The following CCDC146 variants were observed in gnomAD, a reference collection of about 807,000 sequenced individuals.
The protein encoded by CCDC146 is coiled-coil domain-containing protein 146.
In CCDC146, 92 loss-of-function variants were observed where a neutral mutation model predicts 119.3. The ratio of observed to expected loss-of-function variants is 0.77; its 90% CI spans 0.65 to 0.92. CCDC146 has a LOEUF of 0.92. CCDC146 is among the 40% of genes least tolerant of loss of function. The pLI, the probability that CCDC146 is intolerant of heterozygous loss-of-function variation, is 0.00. For synonymous variants in CCDC146, 372 were observed against 371.8 expected, an observed-to-expected ratio of 1.00 and a Z score of -0.01; for missense variants, 1,000 against 1,103.0, an observed-to-expected ratio of 0.91 and a Z score of 1.32.
At chr7:77,281,872 C>G (rs1793770935) in intron 14 of CCDC146, among the ~76,000 whole-genome samples, 1 of 152,186 alleles carries the variant, frequency 6.6e-6, no homozygotes, top group African/African-American at 2.4e-5. Flanking sequence ...TGCTATTCAG[C>G]TCCTGGCACA....
intron 1 of CCDC146, among the ~76,000 whole-genome samples, chr7:77,143,946 C>T (rs1453735235): frequency 4.6e-5 from 7 of 151,516 alleles, no homozygotes; most frequent in South Asian, 2.1e-4. Flanking sequence ...TTTCCAGTTC[C>T]GTGAAGAAAG....
At chr7:77,233,902 CTATCA>C (rs1792683004) in intron 2 of CCDC146, among the ~76,000 whole-genome samples, 1 of 55,392 alleles carries the variant, frequency 1.8e-5, no homozygotes, top group Non-Finnish European at 4.6e-5. Flanking sequence ...TTTCAGTATT[CTATCA>C]TTTTTTTTTT....
intron 1 of CCDC146, among the ~76,000 whole-genome samples, chr7:77,164,354 CTG>C (rs1791310900): frequency 6.6e-6 from 1 of 151,934 alleles, no homozygotes; most frequent in African/African-American, 2.4e-5. Flanking sequence ...AAGCAATAAA[CTG>C]TGATTACCTA....
At chr7:77,198,081 G>A in intron 2 of CCDC146, 3 of 960,428 alleles carry the variant, frequency 3.1e-6, no homozygotes, top group Non-Finnish European at 3.7e-6. Flanking sequence ...ATGACAAGTT[G>A]CCATGCAGCA....
intron 1 of CCDC146, among the ~76,000 whole-genome samples, chr7:77,133,984 T>C (rs1031055476): frequency 7.9e-5 from 12 of 152,146 alleles, no homozygotes; most frequent in African/African-American, 2.7e-4. Flanking sequence ...TTGGTATCTG[T>C]GGAGCATTCA....
intron 2 of CCDC146, chr7:77,199,160 A>C (rs766098069): frequency 1.3e-6 from 2 of 1,594,056 alleles, no homozygotes; most frequent in African/African-American, 1.3e-5. Context: ...ACATATGATA[A>C]GAAAACATTA....
At chr7:77,262,702 C>T (rs1480354869) in intron 9 of CCDC146, among the ~76,000 whole-genome samples, 1 of 152,190 alleles carries the variant, frequency 6.6e-6, no homozygotes, top group African/African-American at 2.4e-5. Flanking sequence ...GATCAAATTA[C>T]ATAGACATAA....
At chr7:77,270,656 T>C (rs191460117) in intron 9 of CCDC146, among the ~76,000 whole-genome samples, 1 of 152,300 alleles carries the variant, frequency 6.6e-6, no homozygotes, top group East Asian at 1.9e-4. Context: ...CAATGAGTAA[T>C]AGAAACTCAA....
Position 77,293,069 on chromosome 7 carries a change from G to A in CCDC146, c.2533G>A (p.Glu845Lys), listed in dbSNP as rs748467406. 1 of 1,614,002 alleles carries A rather than the reference G, an allele frequency of 6.2e-7. No homozygotes were observed. Among genetic ancestry groups the A allele is most frequent in the Non-Finnish European group, 8.5e-7 (1 of 1,179,962 alleles). ...IELQKEVREK[E>K]DFIFTCNSRI... is the part of the protein sequence containing the mutation. Reference sequence around the variant, plus strand: ...ACTCCAAAAGGAAGTCAGGGAGAAAGAAGACTTCATCTTCACTTGCAATTC... The same window carrying A: ...ACTCCAAAAGGAAGTCAGGGAGAAAAAAGACTTCATCTTCACTTGCAATTC... The change falls in exon 18 of 19, where the codon GAA (glutamate) becomes AAA (lysine). Residue 845 changes from glutamate (E) to lysine (K), a missense_variant. By Grantham distance (56) the Glu-to-Lys change is moderately conservative (BLOSUM62 1). Transcript: ENST00000285871.
chr7:77,147,308 C>T (rs528790299), intron 1 of CCDC146, among the ~76,000 whole-genome samples: 17 of 152,284 alleles, frequency 1.1e-4, no homozygotes, highest in East Asian at 7.7e-4. Context: ...CTTAGCCATT[C>T]GTCTAATCTT....
intron 1 of CCDC146, among the ~76,000 whole-genome samples, chr7:77,147,165 T>C (rs1284580891): frequency 1.3e-5 from 2 of 152,218 alleles, no homozygotes; most frequent in Non-Finnish European, 2.9e-5. Context: ...TCATTTGATC[T>C]TCAATCACTG....
At chr7:77,227,871 A>G (rs560190511) in intron 2 of CCDC146, among the ~76,000 whole-genome samples, 16 of 152,378 alleles carry the variant, frequency 1.1e-4, no homozygotes, top group African/African-American at 3.8e-4. Context: ...TAAAAGCAGC[A>G]CATTCTTACT....
chr7:77,167,893 C>T, intron 2 of CCDC146, 69 bp downstream of exon 2: 1 of 1,537,092 alleles, frequency 6.5e-7, no homozygotes, highest in South Asian at 1.2e-5. Flanking sequence ...TCAAATGAAG[C>T]CAATATCATT....
Position 77,262,116 on chromosome 7 carries a change from A to G in CCDC146, c.987-5A>G, listed in dbSNP as rs1184348195. 1.3e-6 allele frequency: 2 copies of G among 1,591,432 alleles called. No homozygotes were observed. The highest frequency in any genetic ancestry group is 2.2e-5 in the East Asian group (1 of 44,446). ...ATTTTCTTCTTCTTCCTTTACCTGG[A>G]ACAGAGGGATCTTGGATCTCAATTT... On this transcript the variant is annotated splice_region_variant and splice_polypyrimidine_tract_variant and intron_variant, in intron 8 of 18. Transcript: ENST00000285871.
chr7:77,206,461 A>T (rs1792081488), intron 2 of CCDC146, among the ~76,000 whole-genome samples: 1 of 152,040 alleles, frequency 6.6e-6, no homozygotes, highest in African/African-American at 2.4e-5. Flanking sequence ...CTAAAAATAC[A>T]AAAATTAGCC....
intron 9 of CCDC146, among the ~76,000 whole-genome samples, chr7:77,262,994 G>T (rs920022044): frequency 1.3e-5 from 2 of 152,170 alleles, no homozygotes; most frequent in African/African-American, 4.8e-5. Context: ...AGCGAAAAAG[G>T]GGTCAGCCTC....
At chr7:77,291,730 C>T (rs1240639743) in intron 17 of CCDC146, among the ~76,000 whole-genome samples, 1 of 152,122 alleles carries the variant, frequency 6.6e-6, no homozygotes. Flanking sequence ...CAAAACAAAA[C>T]ACTCCAGGAA....
chr7:77,179,466 CTG>C (rs58655204), intron 2 of CCDC146, among the ~76,000 whole-genome samples: 6,391 of 152,172 alleles, frequency 0.042, 319 homozygotes, highest in African/African-American at 0.12. Context: ...AATATACACA[CTG>C]TTTTTTTCAC....
At chr7:77,136,626 A>G (rs1790863768) in intron 1 of CCDC146, among the ~76,000 whole-genome samples, 1 of 152,230 alleles carries the variant, frequency 6.6e-6, no homozygotes, top group South Asian at 2.1e-4. Context: ...AATTGAATAA[A>G]TAATAACCTT....
Sources: gnomAD v4.1 joint callset for allele counts (sites outside exome capture counted in the v4.1 genomes callset) on GRCh38, gnomAD v4.1.1 for gene constraint, MANE v1.5 for transcripts, NCBI Gene and HGNC (gene_info 2026-07-23, HGNC 2026-07-21) for gene names.